The following ADAMTS16 variants were observed in gnomAD, a reference collection of about 807,000 sequenced individuals.
ADAMTS16 encodes the protein ADAM metallopeptidase with thrombospondin type 1 motif 16.
Under a neutral mutation model 145.8 loss-of-function variants are expected in ADAMTS16, and 94 were observed. That is an observed-to-expected ratio of 0.64 (90% confidence interval 0.55 to 0.77). ADAMTS16 has a LOEUF of 0.77. Ranked by LOEUF, ADAMTS16 falls within the 30% of genes least tolerant of loss-of-function variation. The pLI, the probability that ADAMTS16 is intolerant of heterozygous loss-of-function variation, is 0.00. For missense variants in ADAMTS16, 1,585 were observed against 1,591.5 expected (o/e 1.00, Z 0.07); for synonymous variants, 659 against 604.3 (o/e 1.09, Z -1.33).
chr5:5,184,304 A>G (rs971630666), intron 4 of ADAMTS16, among the ~76,000 whole-genome samples: 1 of 146,988 alleles, frequency 6.8e-6, no homozygotes, highest in Non-Finnish European at 1.5e-5. Flanking sequence ...CCAGGGCCCT[A>G]TGTCACCTAC....
At chr5:5,299,892 A>C (rs138337251) in intron 18 of ADAMTS16, among the ~76,000 whole-genome samples, 5 of 152,364 alleles carry the variant, frequency 3.3e-5, no homozygotes, top group African/African-American at 1.2e-4. Context: ...CTGTTCATGG[A>C]ACCCTCAGAC....
chr5:5,222,850 C>T lies in ADAMTS16; in HGVS notation c.1667C>T (p.Pro556Leu), dbSNP rs1669782852. Residue 556 changes from proline to leucine, a missense_variant, in exon 11 of 23, where the codon CCA becomes CTA. Pro to Leu is a moderately conservative substitution (Grantham distance 98). Coordinates refer to ENST00000274181, the MANE Select transcript of ADAMTS16 (RefSeq NM_139056.4). ...IGRKCETKFMPAAEGTICGHD... is the reference protein window; with the variant it reads ...IGRKCETKFMLAAEGTICGHD... ...AGGAAATGTGAGACTAAATTTATGC[C>T]AGCAGCAGAAGGCACAATTTGTGGG... The T allele has an allele frequency of 6.2e-7, 1 of 1,613,986 alleles. No homozygotes were observed. The highest frequency in any genetic ancestry group is 1.3e-5 in the African/African-American group (1 of 74,932).
chr5:5,157,599 C>A (rs1734632856), intron 3 of ADAMTS16, among the ~76,000 whole-genome samples: 1 of 152,164 alleles, frequency 6.6e-6, no homozygotes, highest in African/African-American at 2.4e-5. Context: ...AGAAATTGGA[C>A]TCAAAACATG....
At chr5:5,272,356 A>G (rs1223415747) in intron 18 of ADAMTS16, among the ~76,000 whole-genome samples, 7 of 135,260 alleles carry the variant, frequency 5.2e-5, no homozygotes, top group Non-Finnish European at 1.1e-4. Context: ...TGAAATTCCA[A>G]AGGATTTTTT....
chr5:5,169,124 C>A (rs1004207150), intron 3 of ADAMTS16, among the ~76,000 whole-genome samples: 7 of 152,072 alleles, frequency 4.6e-5, no homozygotes, highest in Non-Finnish European at 1.0e-4. Flanking sequence ...GTTCCTACAA[C>A]CTCTTCACAG....
chr5:5,310,765 C>G lies in ADAMTS16; in HGVS notation c.3411+4037C>G, dbSNP rs1318902697. On this transcript the variant is annotated intron_variant, in intron 21 of 22. Transcript: ENST00000274181. The surrounding 1 kb of genome is among the most constrained non-coding windows in gnomAD (Gnocchi z 4.3). ...AATTTTGGATTTCTGGCGTCCTAAA[C>G]TGTGAAAGAATAAATTTCTGTTATT... Among the ~76,000 whole-genome samples, 2 of 152,220 alleles carry G rather than the reference C, an allele frequency of 1.3e-5. No individual in the cohort carries two copies. Among genetic ancestry groups the G allele is most frequent in the African/African-American group, 4.8e-5 (2 of 41,464 alleles).
At chr5:5,305,122 C>CA (rs200493138) in intron 20 of ADAMTS16, among the ~76,000 whole-genome samples, 1 of 34,560 alleles carries the variant, frequency 2.9e-5, no homozygotes, top group Non-Finnish European at 6.9e-5. Context: ...CACACACACA[C>CA]CCCACACCAC....
intron 18 of ADAMTS16, among the ~76,000 whole-genome samples, chr5:5,263,105 G>T (rs2126433453): frequency 6.6e-6 from 1 of 152,320 alleles, no homozygotes; most frequent in East Asian, 1.9e-4. Flanking sequence ...CTGCTGTCCT[G>T]TCCACTAGTG....
chr5:5,306,455 C>CA (rs967258160), intron 20 of ADAMTS16, 49 bp from the exon 21 acceptor site: 69 of 1,557,712 alleles, frequency 4.4e-5, no homozygotes, highest in Non-Finnish European at 5.7e-5. Flanking sequence ...ACAGATTTTG[C>CA]AAAAAAAGAG....
intron 3 of ADAMTS16, among the ~76,000 whole-genome samples, chr5:5,172,845 T>A (rs1158500516): frequency 6.6e-6 from 1 of 152,202 alleles, no homozygotes; most frequent in Admixed American, 6.5e-5. Context: ...TATTTTTTCA[T>A]TGGGATCTAT....
chr5:5,191,813 AT>A, intron 8 of ADAMTS16, 23 bp downstream of exon 8: 2 of 1,564,388 alleles, frequency 1.3e-6, no homozygotes, highest in Non-Finnish European at 1.7e-6. Context: ...CCATGGGAGG[AT>A]GGCATCCCGA....
At chr5:5,175,500 G>A (rs757290314) in intron 3 of ADAMTS16, among the ~76,000 whole-genome samples, 4 of 152,108 alleles carry the variant, frequency 2.6e-5, no homozygotes, top group Non-Finnish European at 5.9e-5. Flanking sequence ...CACTCCCTTG[G>A]CCACCTTGGC....
Position 5,319,978 on chromosome 5 carries a change from A to G in ADAMTS16, c.*840A>G. ...GTATAGGTTACATCAAAACCCTACCATCCTGAGAAGAGTTATGGTTCTATT... is the reference window on the plus strand; with the variant it reads ...GTATAGGTTACATCAAAACCCTACCGTCCTGAGAAGAGTTATGGTTCTATT... On this transcript the variant is annotated 3_prime_UTR_variant, in exon 23 of 23. Coordinates refer to ENST00000274181, the MANE Select transcript of ADAMTS16 (RefSeq NM_139056.4). The G allele has an allele frequency of 2.2e-6, 1 of 452,670 alleles. No individual in the cohort carries two copies. Among genetic ancestry groups the G allele is most frequent in the Non-Finnish European group, 4.4e-6 (1 of 226,480 alleles). The allele number at this position is 452,670 out of a possible 1,614,324, so 28.0% of individuals were successfully genotyped here.
At chr5:5,163,681 T>A (rs1257602726) in intron 3 of ADAMTS16, among the ~76,000 whole-genome samples, 1 of 152,258 alleles carries the variant, frequency 6.6e-6, no homozygotes, top group East Asian at 1.9e-4. Context: ...GGATGGTTGT[T>A]GTACTCAGTA....
At chr5:5,181,683 A>G (rs1735343304) in intron 3 of ADAMTS16, among the ~76,000 whole-genome samples, 1 of 152,194 alleles carries the variant, frequency 6.6e-6, no homozygotes. Context: ...CAATATGAAT[A>G]TTTAATATTT....
intron 21 of ADAMTS16, among the ~76,000 whole-genome samples, chr5:5,311,584 G>A (rs1740445213): frequency 7.2e-6 from 1 of 139,152 alleles, no homozygotes; most frequent in Non-Finnish European, 1.5e-5. Context: ...GCCTTGCTCT[G>A]TCACCAGGCT....
chr5:5,142,043 C>T (rs1007270060), intron 2 of ADAMTS16: 4 of 144,412 alleles, frequency 2.8e-5, no homozygotes, highest in Non-Finnish European at 4.5e-5. Context: ...TCTAATTCAC[C>T]TTTTTAAGTA....
At chr5:5,265,985 A>AGTGTGTGTGTGT in intron 18 of ADAMTS16, among the ~76,000 whole-genome samples, 1 of 141,474 alleles carries the variant, frequency 7.1e-6, no homozygotes, top group East Asian at 2.1e-4. Flanking sequence ...GACTTAAAGA[A>AGTGTGTGTGTGT]GTGTGTGTGT....
chr5:5,164,209 A>C (rs1345586098), intron 3 of ADAMTS16, among the ~76,000 whole-genome samples: 1 of 152,202 alleles, frequency 6.6e-6, no homozygotes, highest in Non-Finnish European at 1.5e-5. Flanking sequence ...GGAACCCACA[A>C]GTGAAAATAT....
Sources: gnomAD v4.1 joint callset for allele counts (sites outside exome capture counted in the v4.1 genomes callset) on GRCh38, gnomAD v4.1.1 for gene constraint, Gnocchi (gnomAD v3.1) non-coding constraint, MANE v1.5 for transcripts, NCBI Gene and HGNC (gene_info 2026-07-23, HGNC 2026-07-21) for gene names.